The following COG2 variants were observed in gnomAD, a reference collection of about 807,000 sequenced individuals.
COG2 encodes component of oligomeric golgi complex 2.
COG2 carries 52 observed loss-of-function variants against 90.6 expected under a neutral mutation model. That is an observed-to-expected ratio of 0.57 (90% CI 0.46 to 0.72). COG2 has a LOEUF of 0.72. Ranked by LOEUF, COG2 falls within the 30% of genes least tolerant of loss-of-function variation. COG2 has a pLI of 0.00. For synonymous variants in COG2, 337 were observed against 320.4 expected (o/e 1.05, Z -0.55); for missense variants, 829 against 891.2 (o/e 0.93, Z 0.89).
chr1:230,663,917 T>G (rs1163924052), intron 4 of COG2, among the ~76,000 whole-genome samples: 1 of 152,130 alleles, frequency 6.6e-6, no homozygotes, highest in African/African-American at 2.4e-5. Flanking sequence ...CCAGGTGTGG[T>G]GGCTCACACC....
Position 230,687,013 on chromosome 1 carries a change from A to C in COG2, c.1459A>C (p.Ile487Leu). The C allele has an allele frequency of 6.2e-7, 1 of 1,610,978 alleles. No homozygotes were observed. The highest frequency in any genetic ancestry group is 1.1e-5 in the South Asian group (1 of 90,356). The change falls in exon 13 of 18, where the codon ATC becomes CTC. Residue 487 changes from isoleucine (I) to leucine (L), a missense_variant. Ile to Leu is a conservative substitution (Grantham distance 5). Transcript: ENST00000366669. ...GGTAACTGGTAGCAAAGAACCTTCCATCACCCAAGGAAACACTGAAGACCA... is the reference window on the plus strand; with the variant it reads ...GGTAACTGGTAGCAAAGAACCTTCCCTCACCCAAGGAAACACTGAAGACCA... Reference protein sequence around the residue: ...PLVTGSKEPSITQGNTEDQGS... With the variant: ...PLVTGSKEPSLTQGNTEDQGS...
chr1:230,654,540 G>A (rs1463993405), intron 1 of COG2, among the ~76,000 whole-genome samples: 2 of 152,162 alleles, frequency 1.3e-5, no homozygotes, highest in Non-Finnish European at 2.9e-5. Flanking sequence ...TTGAAGTCAG[G>A]TAGTGTGATG....
At chr1:230,673,487 C>G (rs1431840800) in intron 8 of COG2, among the ~76,000 whole-genome samples, 1 of 152,234 alleles carries the variant, frequency 6.6e-6, no homozygotes, top group African/African-American at 2.4e-5. Context: ...TACAGATGAG[C>G]TTTTCTAATC....
intron 8 of COG2, among the ~76,000 whole-genome samples, chr1:230,672,039 T>C (rs1336413937): frequency 6.6e-6 from 1 of 152,210 alleles, no homozygotes; most frequent in African/African-American, 2.4e-5. Flanking sequence ...CAATTTTTCC[T>C]CCTTTTGTTC....
At chr1:230,645,412 A>C (rs780200748) in intron 1 of COG2, among the ~76,000 whole-genome samples, 4 of 152,098 alleles carry the variant, frequency 2.6e-5, no homozygotes, top group Admixed American at 6.5e-5. Flanking sequence ...TGTCTCACGT[A>C]TGACTTCATG....
chr1:230,642,835 G>A, intron 1 of COG2, 157 bp downstream of exon 1: 1 of 678,234 alleles, frequency 1.5e-6, no homozygotes. Flanking sequence ...GTCTTTTGGC[G>A]TCAGGTTTGG....
intron 5 of COG2, among the ~76,000 whole-genome samples, chr1:230,666,771 G>A (rs920679902): frequency 1.3e-5 from 2 of 152,044 alleles, no homozygotes; most frequent in African/African-American, 2.4e-5. Flanking sequence ...TCCAAATCTA[G>A]CTCAAAACAT....
chr1:230,683,782 T>G lies in COG2; in HGVS notation c.1228+147T>G. The G allele has an allele frequency of 4.3e-5, 26 of 610,370 alleles. No homozygotes were observed. The South Asian group carries it at 5.1e-4, about 12-fold the overall frequency. The allele number at this position is 610,370 out of a possible 1,614,324, so 37.8% of individuals were successfully genotyped here. A position where few individuals can be genotyped will look rare whatever the true frequency, so the allele number is the denominator to read the frequency against. On this transcript the variant is annotated intron_variant, in intron 11 of 17. Coordinates refer to ENST00000366669, the MANE Select transcript of COG2 (RefSeq NM_007357.3). Reference sequence around the variant, plus strand: ...AAGTTGGACCTTAAAAATCACTTAGTTTGACTTCTTTTTTTTGCTTTTTTT... The same window carrying G: ...AAGTTGGACCTTAAAAATCACTTAGGTTGACTTCTTTTTTTTGCTTTTTTT...
chr1:230,663,287 T>C (rs1383188258), intron 4 of COG2, 66 bp downstream of exon 4: 2 of 1,249,682 alleles, frequency 1.6e-6, no homozygotes, highest in Non-Finnish European at 2.3e-6. Flanking sequence ...ACAAGCACTT[T>C]CAGGCATATG....
chr1:230,670,698 C>T (rs1662427079), intron 7 of COG2: 1 of 152,070 alleles, frequency 6.6e-6, no homozygotes, highest in African/African-American at 2.4e-5. Flanking sequence ...CTCACTGTAG[C>T]CTCAACCTCC....
At chr1:230,683,552 CT>C in intron 10 of COG2, 21 bp from the exon 11 acceptor site, 1 of 924,502 alleles carries the variant, frequency 1.1e-6, no homozygotes, top group Non-Finnish European at 1.4e-6. Context: ...AACATTAATT[CT>C]TCTTCTTGTT....
At chr1:230,667,346 C>A (rs1662344979) in intron 5 of COG2, among the ~76,000 whole-genome samples, 1 of 152,114 alleles carries the variant, frequency 6.6e-6, no homozygotes. Flanking sequence ...TGCTCCGAAT[C>A]ATCTTTGAGG....
At position 230,687,006 on chromosome 1, in the gene COG2, ACCTTCCATCAC is replaced by A; in HGVS notation, c.1455_1465del (p.Ser486ArgfsTer4). The A allele has an allele frequency of 6.2e-7, 1 of 1,609,902 alleles. No homozygotes were observed. ...AACCTTTGGTAACTGGTAGCAAAGA[ACCTTCCATCAC>A]CCAAGGAAACACTGAAGACCAAGGA... On this transcript the variant is annotated frameshift_variant, in exon 13 of 18. Coordinates refer to ENST00000366669, the MANE Select transcript of COG2 (RefSeq NM_007357.3). LOFTEE classifies it high-confidence loss of function.
At chr1:230,656,901 C>T (rs184512984) in intron 1 of COG2, among the ~76,000 whole-genome samples, 1 of 152,140 alleles carries the variant, frequency 6.6e-6, no homozygotes, top group Non-Finnish European at 1.5e-5. Flanking sequence ...ACTCCTGCTT[C>T]TTTTTGCTTT....
chr1:230,689,976 T>C, intron 15 of COG2, 38 bp from the exon 16 acceptor site: 6 of 1,526,970 alleles, frequency 3.9e-6, no homozygotes, highest in South Asian at 1.3e-5. Context: ...TTCTGTTTTT[T>C]TCCTGTGCAT....
chr1:230,642,508 C>T lies in COG2; in HGVS notation c.-99C>T, dbSNP rs1167457212. 6 of 1,198,056 alleles carry T rather than the reference C, an allele frequency of 5.0e-6. No homozygotes were observed. Among genetic ancestry groups the T allele is most frequent in the Non-Finnish European group, 7.2e-6 (6 of 833,732 alleles). The allele number at this position is 1,198,056 out of a possible 1,614,324, so 74.2% of individuals were successfully genotyped here. On this transcript the variant is annotated 5_prime_UTR_variant, in exon 1 of 18. Transcript: ENST00000366669. Reference sequence around the variant, plus strand: ...GTTGGCGGAAGCGGACCCCCCTGTGCCGTGGAAACTGGCGGTGGCCGCGGC... The same window carrying T: ...GTTGGCGGAAGCGGACCCCCCTGTGTCGTGGAAACTGGCGGTGGCCGCGGC...
intron 3 of COG2, among the ~76,000 whole-genome samples, chr1:230,662,793 G>C (rs573917490): frequency 1.3e-5 from 2 of 152,052 alleles, no homozygotes; most frequent in African/African-American, 2.4e-5. Context: ...CTCTACGCTT[G>C]TCAGCATCCA....
intron 1 of COG2, among the ~76,000 whole-genome samples, chr1:230,658,443 C>T (rs1662113294): frequency 6.6e-6 from 1 of 152,152 alleles, no homozygotes; most frequent in African/African-American, 2.4e-5. Context: ...CAGAGGGGCA[C>T]CTGCCAGATG....
At chr1:230,650,200 A>G (rs556216877) in intron 1 of COG2, among the ~76,000 whole-genome samples, 1 of 152,218 alleles carries the variant, frequency 6.6e-6, no homozygotes. Context: ...GTCTTTTTTT[A>G]TATAATGATT....
Sources: allele counts gnomAD v4.1 joint callset (sites outside exome capture counted in the v4.1 genomes callset), GRCh38; gene constraint gnomAD v4.1.1; transcripts MANE v1.5; gene names NCBI Gene and HGNC (gene_info 2026-07-23, HGNC 2026-07-21).